The following HACE1 variants were observed in gnomAD, a reference collection of about 807,000 sequenced individuals.
The protein encoded by HACE1 is HECT domain and ankyrin repeat containing E3 ubiquitin protein ligase 1.
HACE1 carries 73 observed loss-of-function variants against 118.4 expected under a neutral mutation model. The observed-to-expected ratio is 0.62, with a 90% CI of 0.51 to 0.75. The LOEUF (loss-of-function observed/expected upper bound fraction) is 0.75, where lower values mean the gene tolerates loss of function less well. Ranked by LOEUF, HACE1 falls within the 30% of genes least tolerant of loss-of-function variation. HACE1 has a pLI of 0.00. For missense variants in HACE1, 749 were observed against 1,102.2 expected (o/e 0.68, Z 4.54); for synonymous variants, 368 against 374.8 (o/e 0.98, Z 0.21).
intron 5 of HACE1, among the ~76,000 whole-genome samples, chr6:104,836,394 A>G (rs914996272): frequency 6.6e-6 from 1 of 152,168 alleles, no homozygotes; most frequent in Non-Finnish European, 1.5e-5. Flanking sequence ...CAAGAAACAA[A>G]TACAAAAGAC....
chr6:104,745,505 G>T (rs1025179611), intron 20 of HACE1, among the ~76,000 whole-genome samples: 2 of 142,434 alleles, frequency 1.4e-5, no homozygotes, highest in Admixed American at 7.4e-5. Flanking sequence ...GGAGTGCAGT[G>T]GCGCGGCTCA....
rs564594022 is a variant in HACE1 at position 104,850,952 on chromosome 6, T to A, written c.176A>T (p.Tyr59Phe). 1 of 1,610,468 alleles carries A rather than the reference T, an allele frequency of 6.2e-7. No homozygotes were observed. Among genetic ancestry groups the A allele is most frequent in the Admixed American group, 1.7e-5 (1 of 60,032 alleles). ...GCTTCTTTTCACACGTCCGAATGCA[T>A]AATTGACATCAAATTTTGAATTTGA... ...LLSNSKFDVNYAFGRVKRSLL... is the reference protein window; with the variant it reads ...LLSNSKFDVNFAFGRVKRSLL... The change falls in exon 3 of 24, where the codon TAT becomes TTT. Residue 59 changes from tyrosine (Y) to phenylalanine (F), a missense_variant. By Grantham distance (22) the Tyr-to-Phe change is conservative. This residue lies in a region of HACE1 where 120 missense variants were observed against 219.1 expected (regional missense o/e 0.55). Transcript: ENST00000262903.
Position 104,772,033 on chromosome 6 carries a change from C to G in HACE1, c.1906G>C (p.Asp636His), listed in dbSNP as rs776346831. The G allele has an allele frequency of 6.2e-7, 1 of 1,607,052 alleles. No homozygotes were observed. The highest frequency in any genetic ancestry group is 8.5e-7 in the Non-Finnish European group (1 of 1,173,810). ...QPNSNSYVNPDHLNYFRFAGQ... is the reference protein window; with the variant it reads ...QPNSNSYVNPHHLNYFRFAGQ... ...GCAAACCGAAAATAGTTCAAGTGAT[C>G]AGGATTTACATAAGAGTTGCTATTA... Residue 636 changes from aspartate (D) to histidine (H), a missense_variant, in exon 18 of 24, where the codon GAT (aspartate) becomes CAT (histidine). Physicochemically the swap from Asp to His is moderately conservative, Grantham distance 81. Coordinates refer to ENST00000262903, the MANE Select transcript of HACE1 (RefSeq NM_020771.4).
intron 20 of HACE1, among the ~76,000 whole-genome samples, chr6:104,746,256 G>A (rs899363221): frequency 2.4e-4 from 37 of 152,236 alleles, no homozygotes; most frequent in African/African-American, 8.7e-4. Flanking sequence ...GGGGTCCTAA[G>A]ACCAAAAAGT....
rs1486532572 is a variant in HACE1 at position 104,859,802 on chromosome 6, C to A, written c.-160G>T. On this transcript the variant is annotated 5_prime_UTR_variant, in exon 1 of 24. Transcript: ENST00000262903. ...GAGGGCTGCCTGGGGCCACGTCCTG[C>A]GTCCGGGGGCCGGGCTGCTGCCGGA... 12 of 624,016 alleles carry A rather than the reference C, an allele frequency of 1.9e-5. No individual in the cohort carries two copies. The highest frequency in any genetic ancestry group is 3.9e-5 in the African/African-American group (2 of 51,370). The allele number at this position is 624,016 out of a possible 1,614,324, so 38.7% of individuals were successfully genotyped here.
At chr6:104,768,660 G>A (rs1464538330) in intron 19 of HACE1, among the ~76,000 whole-genome samples, 1 of 151,982 alleles carries the variant, frequency 6.6e-6, no homozygotes, top group East Asian at 1.9e-4. Flanking sequence ...AGCTGAGAAT[G>A]TATAACATTA....
In HACE1 at chr6:104,744,534, T is replaced by C; in HGVS notation, c.2420A>G (p.Glu807Gly). The C allele has an allele frequency of 6.3e-7, 1 of 1,591,230 alleles. No homozygotes were observed. Residue 807 changes from glutamate (E) to glycine (G), a missense_variant, in exon 21 of 24, where the codon GAA (glutamate) becomes GGA (glycine). Around this residue, in one of 5 missense-constraint regions of HACE1, gnomAD observed 165 missense variants for 229.9 expected, o/e 0.72. Transcript: ENST00000262903. ...TACCTGAATAACTGGATCTTCTCTT[T>C]CATAGCCACTTGTGTATTCTGTATT... is the stretch of plus-strand genomic sequence containing the variant. Reference protein sequence around the residue: ...IKNTEYTSGYEREDPVIQWFW... With the variant: ...IKNTEYTSGYGREDPVIQWFW...
intron 6 of HACE1, among the ~76,000 whole-genome samples, chr6:104,829,224 A>C (rs1773620760): frequency 6.6e-6 from 1 of 152,144 alleles, no homozygotes; most frequent in Non-Finnish European, 1.5e-5. Context: ...ATACCTGACA[A>C]AGCATTATAC....
intron 5 of HACE1, among the ~76,000 whole-genome samples, chr6:104,833,940 G>A (rs950970579): frequency 5.3e-5 from 8 of 152,020 alleles, no homozygotes; most frequent in Admixed American, 3.9e-4. Context: ...AGCTGAGATC[G>A]TGCCACTGCA....
At chr6:104,836,648 G>T (rs991795871) in intron 5 of HACE1, among the ~76,000 whole-genome samples, 8 of 152,140 alleles carry the variant, frequency 5.3e-5, no homozygotes, top group African/African-American at 1.7e-4. Context: ...AGGAGGCAGA[G>T]GTTGCAGTGA....
intron 7 of HACE1, among the ~76,000 whole-genome samples, chr6:104,807,695 T>C (rs1476644024): frequency 1.3e-5 from 2 of 151,946 alleles, no homozygotes; most frequent in African/African-American, 2.4e-5. Flanking sequence ...TGTGTAAAGA[T>C]GGCAGGGGGA....
intron 17 of HACE1, among the ~76,000 whole-genome samples, chr6:104,774,718 G>A (rs900990694): frequency 6.6e-5 from 10 of 152,108 alleles, no homozygotes; most frequent in African/African-American, 1.2e-4. Context: ...ACACAAAGGC[G>A]CAGAATAGTT....
intron 22 of HACE1, among the ~76,000 whole-genome samples, chr6:104,740,539 C>A (rs1269846677): frequency 1.3e-5 from 2 of 152,120 alleles, no homozygotes; most frequent in African/African-American, 4.8e-5. Context: ...CACCTCTATG[C>A]AAATAAACTA....
intron 19 of HACE1, among the ~76,000 whole-genome samples, chr6:104,762,989 C>CA (rs56232124): frequency 0.047 from 1,489 of 31,664 alleles, 53 homozygotes; most frequent in East Asian, 0.063. Context: ...GACTCCATCT[C>CA]AAAAAAAAAA....
At chr6:104,765,770 A>G (rs1779937285) in intron 19 of HACE1, among the ~76,000 whole-genome samples, 1 of 152,238 alleles carries the variant, frequency 6.6e-6, no homozygotes. Context: ...TCCACTCTTT[A>G]AATACACAAT....
At chr6:104,779,120 GTT>G (rs1406255448) in intron 14 of HACE1, among the ~76,000 whole-genome samples, 2 of 152,140 alleles carry the variant, frequency 1.3e-5, no homozygotes, top group African/African-American at 4.8e-5. Flanking sequence ...GAACAAAGAA[GTT>G]TATGATCACA....
intron 22 of HACE1, among the ~76,000 whole-genome samples, chr6:104,732,934 C>G (rs1283838639): frequency 1.3e-5 from 2 of 152,158 alleles, no homozygotes; most frequent in Non-Finnish European, 2.9e-5. Flanking sequence ...CTGAATCTTG[C>G]TTATAAGACA....
chr6:104,751,493 G>C (rs983489366), intron 19 of HACE1, among the ~76,000 whole-genome samples: 1 of 152,266 alleles, frequency 6.6e-6, no homozygotes, highest in African/African-American at 2.4e-5. Flanking sequence ...AGAGGGCATG[G>C]TGGCACATGC....
At chr6:104,742,912 C>A (rs1776933697) in intron 22 of HACE1, among the ~76,000 whole-genome samples, 1 of 151,920 alleles carries the variant, frequency 6.6e-6, no homozygotes, top group Admixed American at 6.6e-5. Context: ...GGAACCAACC[C>A]AAATGTCCAA....
Sources: allele counts gnomAD v4.1 joint callset (sites outside exome capture counted in the v4.1 genomes callset), GRCh38; gene constraint gnomAD v4.1.1; regional missense constraint gnomAD v4.1.1; transcripts MANE v1.5; gene names NCBI Gene and HGNC (gene_info 2026-07-23, HGNC 2026-07-21).